Variants in ANTXR2 observed in about 807,000 individuals in gnomAD.
The protein encoded by ANTXR2 is ANTXR cell adhesion molecule 2.
ANTXR2 carries 44 observed loss-of-function variants against 73.7 expected under a neutral mutation model. That is an observed-to-expected ratio of 0.60 (90% confidence interval 0.47 to 0.77). ANTXR2 has a LOEUF of 0.77. Ranked by LOEUF, ANTXR2 falls within the 30% of genes least tolerant of loss-of-function variation. The probability of loss-of-function intolerance (pLI) is 0.00; values close to 1 mark genes in which losing one functional copy is unlikely to be tolerated. For synonymous variants in ANTXR2, 217 were observed against 205.9 expected (o/e 1.05, Z -0.46); for missense variants, 604 against 592.5 (o/e 1.02, Z -0.20).
At chr4:80,069,543 T>TA in intron 2 of ANTXR2, 36 bp from the exon 3 acceptor site, 3 of 1,457,436 alleles carry the variant, frequency 2.1e-6, no homozygotes, top group Non-Finnish European at 2.8e-6. Flanking sequence ...AAAACATTTT[T>TA]AAAAAGAAAT....
intron 12 of ANTXR2, among the ~76,000 whole-genome samples, chr4:79,986,009 T>A (rs879908637): frequency 6.6e-6 from 1 of 151,942 alleles, no homozygotes; most frequent in Admixed American, 6.6e-5. Context: ...GCCTGGCTAA[T>A]TTTTTTGTAT....
chr4:80,001,023 A>T (rs1381004177), intron 12 of ANTXR2, among the ~76,000 whole-genome samples: 1 of 152,072 alleles, frequency 6.6e-6, no homozygotes, highest in Admixed American at 6.6e-5. Flanking sequence ...GTCTCTTCCA[A>T]AAATCCCTTG....
chr4:80,027,475 A>T (rs1015349754), intron 10 of ANTXR2, among the ~76,000 whole-genome samples: 6 of 152,178 alleles, frequency 3.9e-5, no homozygotes, highest in Admixed American at 1.3e-4. Flanking sequence ...TTCCACAGAC[A>T]GTGACGTCCC....
At position 79,983,966 on chromosome 4, in the gene ANTXR2, T is replaced by C. The variant is rs752146047; in HGVS notation, c.1091A>G (p.Glu364Gly). ...CTTTTTAGTAGGCAAAGGTTCTTCT[T>C]CCTCCTGTGGAAATATGTTTTATAA... ...PPPAPAPKEE[E>G]EEPLPTKKWP... is the part of the protein sequence containing the mutation. The change falls in exon 14 of 17, where the codon GAA becomes GGA. Residue 364 changes from glutamate (E) to glycine (G), a missense_variant. Glu to Gly is a moderately conservative substitution (Grantham distance 98). Transcript: ENST00000403729. 1.9e-6 allele frequency: 3 copies of C among 1,586,966 alleles called. No homozygotes were observed. The Admixed American group carries it at 5.5e-5, about 29-fold the overall frequency.
rs570519330 is a variant in ANTXR2 at position 80,055,768 on chromosome 4, G to A, written c.378+164C>T. ...CATCTTAACTTTTCTCATCACCATA[G>A]TAAATAATTTTTTCTACTTGTCTCA... On this transcript the variant is annotated intron_variant, in intron 4 of 16. Coordinates refer to ENST00000403729, the MANE Select transcript of ANTXR2 (RefSeq NM_058172.6). Among the ~76,000 whole-genome samples, 6 of 151,960 alleles carry A rather than the reference G, an allele frequency of 3.9e-5. No individual in the cohort carries two copies. In the East Asian group the frequency reaches 9.7e-4, roughly 25 times the overall value.
chr4:79,993,066 G>C (rs907780828), intron 12 of ANTXR2, among the ~76,000 whole-genome samples: 2 of 151,794 alleles, frequency 1.3e-5, no homozygotes, highest in African/African-American at 4.8e-5. Flanking sequence ...ACCAAAAAAG[G>C]GTTTATTAAT....
chr4:80,007,236 C>T (rs1042382628), intron 12 of ANTXR2, among the ~76,000 whole-genome samples: 2 of 152,090 alleles, frequency 1.3e-5, no homozygotes, highest in Non-Finnish European at 2.9e-5. Flanking sequence ...TGAAATCAGT[C>T]AGCAAACATG....
chr4:79,915,860 C>CTATATATATATATATA (rs775665680), intron 16 of ANTXR2, among the ~76,000 whole-genome samples: 23 of 121,914 alleles, frequency 1.9e-4, no homozygotes, highest in African/African-American at 7.1e-4. Context: ...CTCTCTCTCT[C>CTATATATATATATATA]TCTATATATA....
At chr4:79,927,508 T>C (rs1727867945) in intron 16 of ANTXR2, among the ~76,000 whole-genome samples, 1 of 152,184 alleles carries the variant, frequency 6.6e-6, no homozygotes, top group Non-Finnish European at 1.5e-5. Context: ...TACATATTCC[T>C]GTATACTTTA....
chr4:79,916,610 A>G (rs755124274), intron 16 of ANTXR2, among the ~76,000 whole-genome samples: 15 of 152,168 alleles, frequency 9.9e-5, no homozygotes, highest in Non-Finnish European at 2.2e-4. Flanking sequence ...TGAATATTGT[A>G]GCATTACTGG....
chr4:79,928,872 A>C (rs1034514269), intron 16 of ANTXR2, among the ~76,000 whole-genome samples: 7 of 152,234 alleles, frequency 4.6e-5, no homozygotes, highest in Admixed American at 2.0e-4. Flanking sequence ...TGCAAGGCAT[A>C]AAGCCAAGAA....
At chr4:80,021,863 T>C (rs1732185427) in intron 10 of ANTXR2, among the ~76,000 whole-genome samples, 1 of 152,172 alleles carries the variant, frequency 6.6e-6, no homozygotes, top group African/African-American at 2.4e-5. Flanking sequence ...CTTCCTCCTT[T>C]TGAGAGTAGT....
chr4:80,027,464 T>G (rs1732495807), intron 10 of ANTXR2, among the ~76,000 whole-genome samples: 1 of 152,176 alleles, frequency 6.6e-6, no homozygotes, highest in Non-Finnish European at 1.5e-5. Flanking sequence ...TCCTTGAAAT[T>G]TTCCACAGAC....
chr4:80,022,583 A>G (rs1014429632), intron 10 of ANTXR2, among the ~76,000 whole-genome samples: 5 of 152,236 alleles, frequency 3.3e-5, no homozygotes, highest in South Asian at 4.1e-4. Context: ...GTCATATTTT[A>G]TGTCATTTCT....
chr4:80,011,703 T>C (rs1425550060), intron 11 of ANTXR2, among the ~76,000 whole-genome samples: 1 of 152,176 alleles, frequency 6.6e-6, no homozygotes, highest in African/African-American at 2.4e-5. Flanking sequence ...CTGAATTCTG[T>C]AGTGTTCCAC....
chr4:80,004,612 T>A (rs1418426726), intron 12 of ANTXR2, among the ~76,000 whole-genome samples: 1 of 152,066 alleles, frequency 6.6e-6, no homozygotes, highest in Admixed American at 6.6e-5. Context: ...CTTCTTTCCA[T>A]CTATAGTCTA....
chr4:80,068,338 A>G (rs533027111), intron 3 of ANTXR2, among the ~76,000 whole-genome samples: 10 of 152,230 alleles, frequency 6.6e-5, no homozygotes, highest in African/African-American at 2.4e-4. Flanking sequence ...TTTTATTTCA[A>G]AATAACAGGA....
In ANTXR2 at chr4:79,952,111, A is replaced by G. The variant is rs970549970; in HGVS notation, c.1428+25510T>C. On this transcript the variant is annotated intron_variant, in intron 16 of 16. Coordinates refer to ENST00000403729, the MANE Select transcript of ANTXR2 (RefSeq NM_058172.6). ...TCTAGCAAATTTTTTTAAACCACCA[A>G]AATTATTTGATGTGGAATTATAATT... 3.7e-4 allele frequency among the ~76,000 whole-genome samples: 56 copies of G among 151,738 alleles called. 1 individual carries two copies. Among genetic ancestry groups the G allele is most frequent in the Non-Finnish European group, 6.8e-4 (46 of 67,888 alleles).
At chr4:79,952,207 T>C (rs549958416) in intron 16 of ANTXR2, among the ~76,000 whole-genome samples, 2 of 150,550 alleles carry the variant, frequency 1.3e-5, no homozygotes, top group Non-Finnish European at 1.5e-5. Context: ...ATATATCATA[T>C]ATATAATTCT....
Sources: allele counts gnomAD v4.1 joint callset (sites outside exome capture counted in the v4.1 genomes callset), GRCh38; gene constraint gnomAD v4.1.1; transcripts MANE v1.5; gene names NCBI Gene and HGNC (gene_info 2026-07-23, HGNC 2026-07-21).